Variants in MECOM observed in about 807,000 individuals in gnomAD.
MECOM encodes the protein histone-lysine N-methyltransferase MECOM.
In MECOM, 13 loss-of-function variants were observed where a neutral mutation model predicts 116.3. The observed-to-expected ratio is 0.11, with a 90% CI of 0.07 to 0.18. MECOM has a LOEUF of 0.18. Among genes scored for constraint, MECOM ranks in the 10% least tolerant of loss-of-function variants. The probability of loss-of-function intolerance (pLI) is 1.00; values close to 1 mark genes in which losing one functional copy is unlikely to be tolerated. For missense variants in MECOM, 1,299 were observed against 1,509.0 expected, an observed-to-expected ratio of 0.86 and a Z score of 2.31; for synonymous variants, 528 against 535.2, an observed-to-expected ratio of 0.99 and a Z score of 0.19.
At chr3:169,233,822 T>C (rs1330994963) in intron 2 of MECOM, among the ~76,000 whole-genome samples, 1 of 152,178 alleles carries the variant, frequency 6.6e-6, no homozygotes, top group Non-Finnish European at 1.5e-5. Flanking sequence ...TGCACCTAAA[T>C]TCGTCACAGT....
intron 10 of MECOM, among the ~76,000 whole-genome samples, chr3:169,106,017 C>T (rs1430192989): frequency 6.6e-6 from 1 of 152,068 alleles, no homozygotes; most frequent in Non-Finnish European, 1.5e-5. Context: ...AAGTGACAAC[C>T]TGATTATATG....
At chr3:169,642,528 A>C (rs1773629922) in intron 1 of MECOM, among the ~76,000 whole-genome samples, 3 of 151,936 alleles carry the variant, frequency 2.0e-5, no homozygotes, top group Admixed American at 2.0e-4. Flanking sequence ...ACAAAAAAAA[A>C]AAGTGAAAAG....
chr3:169,587,594 T>C (rs1342525572), intron 1 of MECOM, among the ~76,000 whole-genome samples: 2 of 152,116 alleles, frequency 1.3e-5, no homozygotes, highest in Non-Finnish European at 2.9e-5. Flanking sequence ...GCAAATATTG[T>C]TGGATCTAAT....
At chr3:169,396,908 T>G (rs1735107982) in intron 1 of MECOM, among the ~76,000 whole-genome samples, 2 of 151,930 alleles carry the variant, frequency 1.3e-5, no homozygotes, top group Admixed American at 1.3e-4. Context: ...AGGAGGCGCA[T>G]GTTGCAGTGA....
rs569864827 is a variant in MECOM at position 169,623,491 on chromosome 3, A to T, written c.37+39845T>A. 6.6e-5 allele frequency among the ~76,000 whole-genome samples: 10 copies of T among 152,354 alleles called. 2 individuals are homozygous for T. In the South Asian group the frequency reaches 2.1e-3, roughly 32 times the overall value. On this transcript the variant is annotated intron_variant, in intron 1 of 16. Coordinates refer to ENST00000651503, the MANE Select transcript of MECOM (RefSeq NM_004991.4). ...CAGTAATAACCCAAATTCTCATCCT[A>T]TAAAAAATATAGATTAATGTTTGAA...
At chr3:169,165,571 A>G (rs1019540666) in intron 2 of MECOM, among the ~76,000 whole-genome samples, 4 of 152,146 alleles carry the variant, frequency 2.6e-5, no homozygotes, top group African/African-American at 9.7e-5. Flanking sequence ...GCTTTTTTGA[A>G]GTGCTGTATA....
chr3:169,141,210 C>T (rs961208402), intron 3 of MECOM, among the ~76,000 whole-genome samples: 14 of 151,942 alleles, frequency 9.2e-5, no homozygotes, highest in African/African-American at 2.4e-4. Flanking sequence ...TCTCAAATTC[C>T]GTTTTTTTAG....
rs142739000 is a variant in MECOM at position 169,624,283 on chromosome 3, T to A, written c.37+39053A>T. Among the ~76,000 whole-genome samples the A allele has an allele frequency of 4.9e-3, 748 of 152,326 alleles. 1 individual carries two copies. Among genetic ancestry groups the A allele is most frequent in the Non-Finnish European group, 7.9e-3 (536 of 68,022 alleles). Reference sequence around the variant, plus strand: ...TTTTACAGAAAGCTGAAATAAATAATTACACACATGCTGACCAGCACTGGC... The same window carrying A: ...TTTTACAGAAAGCTGAAATAAATAAATACACACATGCTGACCAGCACTGGC... On this transcript the variant is annotated intron_variant, in intron 1 of 16. Transcript: ENST00000651503.
At chr3:169,137,269 T>A (rs187644666) in intron 3 of MECOM, among the ~76,000 whole-genome samples, 8 of 152,246 alleles carry the variant, frequency 5.3e-5, no homozygotes, top group Admixed American at 5.2e-4. Context: ...GTCTTGGTAC[T>A]GCAGAGAGGT....
chr3:169,547,297 C>T (rs1035342550), intron 1 of MECOM, among the ~76,000 whole-genome samples: 3 of 152,290 alleles, frequency 2.0e-5, no homozygotes, highest in East Asian at 1.9e-4. Context: ...CTGCCATGAT[C>T]GTAAGTTTCC....
intron 1 of MECOM, among the ~76,000 whole-genome samples, chr3:169,511,440 C>A (rs1262759095): frequency 6.6e-6 from 1 of 152,156 alleles, no homozygotes; most frequent in African/African-American, 2.4e-5. Context: ...GGATTCTTCC[C>A]ATACTTGGGA....
intron 2 of MECOM, chr3:169,149,500 G>A (rs1331195097): frequency 4.0e-6 from 1 of 249,118 alleles, no homozygotes; most frequent in African/African-American, 2.3e-5. Flanking sequence ...ATGGCATTGC[G>A]CTCCGAAATA....
At chr3:169,499,501 C>G (rs1475065943) in intron 1 of MECOM, among the ~76,000 whole-genome samples, 1 of 151,420 alleles carries the variant, frequency 6.6e-6, no homozygotes, top group Non-Finnish European at 1.5e-5. Flanking sequence ...GTTGTCAAAC[C>G]ATCATTCAAA....
intron 2 of MECOM, among the ~76,000 whole-genome samples, chr3:169,191,693 G>GAGAT (rs1183473825): frequency 2.6e-5 from 3 of 115,568 alleles, no homozygotes; most frequent in Non-Finnish European, 3.6e-5. Context: ...GAAAGAAAAA[G>GAGAT]AGATAGAAAA....
At chr3:169,570,755 C>T (rs2216360) in intron 1 of MECOM, among the ~76,000 whole-genome samples, 33,528 of 152,060 alleles carry the variant, frequency 0.22, 4,726 homozygotes, top group East Asian at 0.7. Context: ...ATTATCTCAA[C>T]AGATGCATAA....
intron 1 of MECOM, among the ~76,000 whole-genome samples, chr3:169,388,623 A>G (rs1392796254): frequency 6.6e-6 from 1 of 152,204 alleles, no homozygotes; most frequent in Non-Finnish European, 1.5e-5. Context: ...AGAGACATTG[A>G]ATAGAATGGG....
intron 5 of MECOM, among the ~76,000 whole-genome samples, chr3:169,126,722 T>A (rs1052891176): frequency 6.6e-6 from 1 of 152,074 alleles, no homozygotes; most frequent in African/African-American, 2.4e-5. Context: ...CTTTTAGTCA[T>A]TTATGCCTTA....
chr3:169,127,212 C>A (rs1416248868), intron 5 of MECOM, among the ~76,000 whole-genome samples: 2 of 151,956 alleles, frequency 1.3e-5, no homozygotes, highest in African/African-American at 4.8e-5. Context: ...GAATAAAATT[C>A]AAAAGGCTAT....
intron 1 of MECOM, among the ~76,000 whole-genome samples, chr3:169,430,112 A>C (rs1490153615): frequency 6.6e-6 from 1 of 152,200 alleles, no homozygotes; most frequent in East Asian, 1.9e-4. Context: ...AGTCTATTCC[A>C]TTCATAGAAC....
Sources: allele counts gnomAD v4.1 joint callset (sites outside exome capture counted in the v4.1 genomes callset), GRCh38; gene constraint gnomAD v4.1.1; transcripts MANE v1.5; gene names NCBI Gene and HGNC (gene_info 2026-07-23, HGNC 2026-07-21).